The following SMARCAD1 variants were observed in gnomAD, a reference collection of about 807,000 sequenced individuals.
SMARCAD1 encodes SNF2 related chromatin remodeling ATPase with DExD box 1.
A neutral mutation model predicts 127.1 loss-of-function variants in SMARCAD1; 25 were observed. That is an observed-to-expected ratio of 0.20 (90% CI 0.14 to 0.27). The LOEUF (loss-of-function observed/expected upper bound fraction) is 0.27. Ranked by LOEUF, SMARCAD1 falls within the 10% of genes least tolerant of loss-of-function variation. The probability of loss-of-function intolerance (pLI) is 1.00; values close to 1 mark genes in which losing one functional copy is unlikely to be tolerated. For synonymous variants in SMARCAD1, 400 were observed against 396.9 expected (o/e 1.01, Z -0.09); for missense variants, 807 against 1,206.0 (o/e 0.67, Z 4.90).
In SMARCAD1 at chr4:94,246,271, C is replaced by T. The variant is rs1178318217; in HGVS notation, c.706-3383C>T. Among the ~76,000 whole-genome samples the T allele has an allele frequency of 4.6e-5, 7 of 152,082 alleles. 1 individual carries two copies. Among genetic ancestry groups the T allele is most frequent in the Non-Finnish European group, 1.0e-4 (7 of 68,028 alleles). ...AGTAGCTGGGATTACAGGTGCCTGC[C>T]ACCACGCCTGGCTAATTTTTTGTAT... On this transcript the variant is annotated intron_variant, in intron 6 of 23. Transcript: ENST00000354268.
intron 22 of SMARCAD1, among the ~76,000 whole-genome samples, chr4:94,284,685 A>C (rs1040154142): frequency 6.6e-6 from 1 of 150,560 alleles, no homozygotes; most frequent in African/African-American, 2.5e-5. Flanking sequence ...CACCTGCCTC[A>C]GCCTCCCAAA....
intron 6 of SMARCAD1, among the ~76,000 whole-genome samples, chr4:94,245,044 G>A (rs1030310268): frequency 5.9e-5 from 9 of 152,168 alleles, no homozygotes; most frequent in East Asian, 1.9e-4. Flanking sequence ...GTAATATACC[G>A]AGAGTGTTTG....
At chr4:94,287,563 A>G (rs13142645) in intron 23 of SMARCAD1, among the ~76,000 whole-genome samples, 61,285 of 151,920 alleles carry the variant, frequency 0.4, 12,959 homozygotes, top group East Asian at 0.71. Flanking sequence ...GAAATTGGCA[A>G]TTTGAAATGC....
rs536700110 is a variant in SMARCAD1, at chr4:94,239,367, T to G, written c.605-1539T>G. On this transcript the variant is annotated intron_variant, in intron 5 of 23. Transcript: ENST00000354268. ...CCCATTGTTTCTTTTAACCACAAATTGCAGTCTTAACAGACAGTATCATCC... is the reference window on the plus strand; with the variant it reads ...CCCATTGTTTCTTTTAACCACAAATGGCAGTCTTAACAGACAGTATCATCC... 0.03 allele frequency among the ~76,000 whole-genome samples: 85 copies of G among 2,808 alleles called. 1 individual carries two copies. The South Asian group carries it at 0.47, about 16-fold the overall frequency. 1.8% of individuals were successfully genotyped at this position (2,808 alleles called of 152,430 possible). A position where few individuals can be genotyped will look rare whatever the true frequency, so the allele number is the denominator to read the frequency against.
chr4:94,209,541 G>A (rs1221825525), intron 2 of SMARCAD1, among the ~76,000 whole-genome samples: 1 of 152,202 alleles, frequency 6.6e-6, no homozygotes, highest in Non-Finnish European at 1.5e-5. Flanking sequence ...AATGTAGCCT[G>A]AAAGATTGGT....
chr4:94,270,912 G>A, intron 11 of SMARCAD1, 94 bp downstream of exon 11: 3 of 1,081,732 alleles, frequency 2.8e-6, no homozygotes, highest in Non-Finnish European at 4.2e-6. Flanking sequence ...TTTTGCTACT[G>A]TAGTTAACTA....
chr4:94,240,107 T>A (rs1394461255), intron 5 of SMARCAD1, among the ~76,000 whole-genome samples: 1 of 152,204 alleles, frequency 6.6e-6, no homozygotes, highest in Non-Finnish European at 1.5e-5. Context: ...GCTGCATAGT[T>A]AGGGCTCTGA....
intron 3 of SMARCAD1, among the ~76,000 whole-genome samples, chr4:94,227,258 A>T (rs548698690): frequency 4.4e-4 from 67 of 152,256 alleles, no homozygotes; most frequent in African/African-American, 1.6e-3. Context: ...GTAAAGGATG[A>T]GATGAAGGAG....
intron 23 of SMARCAD1, among the ~76,000 whole-genome samples, chr4:94,287,620 G>A (rs906925496): frequency 6.6e-6 from 1 of 152,240 alleles, no homozygotes; most frequent in South Asian, 2.1e-4. Flanking sequence ...AAACTCTGGC[G>A]ATGGCACCTA....
At chr4:94,251,316 G>A (rs759175275) in intron 8 of SMARCAD1, among the ~76,000 whole-genome samples, 1 of 152,164 alleles carries the variant, frequency 6.6e-6, no homozygotes, top group Non-Finnish European at 1.5e-5. Context: ...AGGAGAGGTG[G>A]TAAGGAAGAG....
chr4:94,287,323 G>C (rs1396076061), intron 23 of SMARCAD1, among the ~76,000 whole-genome samples: 1 of 152,118 alleles, frequency 6.6e-6, no homozygotes, highest in African/African-American at 2.4e-5. Context: ...ATACATGTAT[G>C]CCCTTCTTTC....
At chr4:94,264,229 T>C (rs1304617093) in intron 9 of SMARCAD1, among the ~76,000 whole-genome samples, 1 of 151,914 alleles carries the variant, frequency 6.6e-6, no homozygotes, top group Non-Finnish European at 1.5e-5. Context: ...TGGAAAAATA[T>C]CTTTTAAGAT....
intron 23 of SMARCAD1, among the ~76,000 whole-genome samples, chr4:94,287,931 G>A (rs946966032): frequency 3.9e-5 from 6 of 151,938 alleles, no homozygotes; most frequent in Non-Finnish European, 5.9e-5. Context: ...CGGGAGGATC[G>A]TTTGAGCCCA....
chr4:94,218,763 T>A (rs886123104), intron 2 of SMARCAD1, among the ~76,000 whole-genome samples: 1 of 152,194 alleles, frequency 6.6e-6, no homozygotes, highest in Non-Finnish European at 1.5e-5. Flanking sequence ...GGTATTTTCC[T>A]GTCTACCATG....
intron 3 of SMARCAD1, among the ~76,000 whole-genome samples, chr4:94,229,716 T>C (rs1406590024): frequency 6.6e-6 from 1 of 152,068 alleles, no homozygotes; most frequent in East Asian, 1.9e-4. Context: ...GTCATTGCCC[T>C]TTCAGCAGAA....
intron 3 of SMARCAD1, among the ~76,000 whole-genome samples, chr4:94,232,281 G>A (rs17021401): frequency 0.067 from 10,270 of 152,214 alleles, 1,163 homozygotes; most frequent in African/African-American, 0.23. Flanking sequence ...ATTACATCAT[G>A]AGGCACATGA....
At chr4:94,261,699 TC>T (rs1200913510) in intron 9 of SMARCAD1, among the ~76,000 whole-genome samples, 1 of 152,152 alleles carries the variant, frequency 6.6e-6, no homozygotes, top group Non-Finnish European at 1.5e-5. Context: ...AACCTCTGAC[TC>T]CCGGGCTCAA....
intron 2 of SMARCAD1, chr4:94,212,899 G>A (rs1039806600): frequency 2.4e-6 from 1 of 414,798 alleles, no homozygotes; most frequent in African/African-American, 2.1e-5. Context: ...CTAAATCCCA[G>A]CCAGCCTTTG....
At position 94,239,562 on chromosome 4, in the gene SMARCAD1, G is replaced by GT. The variant is rs5860361; in HGVS notation, c.605-1329dup. Among the ~76,000 whole-genome samples, 1,149 of 142,790 alleles carry GT rather than the reference G, an allele frequency of 8.0e-3. 42 individuals carry two copies. Among genetic ancestry groups the GT allele is most frequent in the Admixed American group, 0.051 (740 of 14,400 alleles). 93.7% of individuals were successfully genotyped at this position (142,790 alleles called of 152,430 possible). ...GGAGTCTCTCTAGCTGCCCTGTTGT[G>GT]TTTTTTTTTTTTTTTAATTTTTTAT... is the stretch of plus-strand genomic sequence containing the variant. On this transcript the variant is annotated intron_variant, in intron 5 of 23. Coordinates refer to ENST00000354268, the MANE Select transcript of SMARCAD1 (RefSeq NM_020159.5).
Sources: gnomAD v4.1 joint callset for allele counts (sites outside exome capture counted in the v4.1 genomes callset) on GRCh38, gnomAD v4.1.1 for gene constraint, MANE v1.5 for transcripts, NCBI Gene and HGNC (gene_info 2026-07-23, HGNC 2026-07-21) for gene names.